MPPED1: variants seen among roughly 807,000 people sequenced by gnomAD.
MPPED1 encodes metallophosphoesterase domain containing 1.
MPPED1 carries 16 observed loss-of-function variants against 36.2 expected under a neutral mutation model. The observed-to-expected ratio is 0.44, with a 90% CI of 0.30 to 0.67. The LOEUF is 0.67. MPPED1 is among the 30% of genes least tolerant of loss of function. The pLI, the probability that MPPED1 is intolerant of heterozygous loss-of-function variation, is 0.10. For synonymous variants in MPPED1, 199 were observed against 191.3 expected, an observed-to-expected ratio of 1.04 and a Z score of -0.33; for missense variants, 307 against 453.4, an observed-to-expected ratio of 0.68 and a Z score of 2.93.
At chr22:43,504,251 G>T (rs1932772207) in intron 6 of MPPED1, among the ~76,000 whole-genome samples, 1 of 151,916 alleles carries the variant, frequency 6.6e-6, no homozygotes. Flanking sequence ...GGTGATTGTG[G>T]TGATGATGAT....
At chr22:43,427,831 C>G (rs140076115) in intron 2 of MPPED1, among the ~76,000 whole-genome samples, 3 of 152,096 alleles carry the variant, frequency 2.0e-5, no homozygotes, top group African/African-American at 7.2e-5. Context: ...ATGGCGCATG[C>G]GCTCTGCATA....
At chr22:43,432,589 G>GAGAA (rs1929759795) in intron 2 of MPPED1, among the ~76,000 whole-genome samples, 1 of 43,316 alleles carries the variant, frequency 2.3e-5, no homozygotes. Flanking sequence ...GAGAGGGAAA[G>GAGAA]AGGGAGGAGA....
rs59503737 is a variant in MPPED1, at chr22:43,507,791, A to ATTT, written c.*2190_*2192dup. ...TTGGCATAACTTGATTGTGGCTGTA[A>ATTT]TTTTTTTTTTTTTTTTTGTCAAGCA... On this transcript the variant is annotated 3_prime_UTR_variant, in exon 7 of 7. Transcript: ENST00000443721. 6 of 135,002 alleles carry ATTT rather than the reference A, an allele frequency of 4.4e-5. No individual in the cohort carries two copies. Among genetic ancestry groups the ATTT allele is most frequent in the South Asian group, 2.4e-4 (1 of 4,250 alleles). The allele number at this position is 135,002 out of a possible 1,614,324, so 8.4% of individuals were successfully genotyped here. A position where few individuals can be genotyped will look rare whatever the true frequency, so the allele number is the denominator to read the frequency against.
In MPPED1 at chr22:43,505,519, G is replaced by C; in HGVS notation, c.884G>C (p.Gly295Ala). Residue 295 changes from glycine (G) to alanine (A), a missense_variant, in exon 7 of 7, where the codon GGG becomes GCG. Transcript: ENST00000443721. ...IHEGYGVMAD[G>A]TTTYVNASVC... ...CCAGGGTATGGTGTCATGGCAGATGGGACGACCACCTATGTGAATGCGTCC... is the reference window on the plus strand; with the variant it reads ...CCAGGGTATGGTGTCATGGCAGATGCGACGACCACCTATGTGAATGCGTCC... The C allele has an allele frequency of 6.2e-7, 1 of 1,610,872 alleles. No individual in the cohort carries two copies. Among genetic ancestry groups the C allele is most frequent in the Non-Finnish European group, 8.5e-7 (1 of 1,178,722 alleles).
chr22:43,461,498 G>C (rs1192509402), intron 3 of MPPED1, among the ~76,000 whole-genome samples: 1 of 152,174 alleles, frequency 6.6e-6, no homozygotes, highest in Non-Finnish European at 1.5e-5. Flanking sequence ...TGCCAGTGTT[G>C]TTGTTGACTT....
chr22:43,495,297 A>T (rs1182676378), intron 4 of MPPED1, among the ~76,000 whole-genome samples: 19 of 96,858 alleles, frequency 2.0e-4, no homozygotes, highest in Middle Eastern at 0.01. Context: ...GTGGTGATGG[A>T]GGTGATGGTG....
rs150477183 is a variant in MPPED1, at chr22:43,436,029, G to C, written c.406+814G>C. ...CCAGATGTGAGCAGCTGCTGGTCTC[G>C]GCAGCAGAGCCCTTTCCCATGCACT... On this transcript the variant is annotated intron_variant, in intron 3 of 6. Transcript: ENST00000443721. Among the ~76,000 whole-genome samples the C allele has an allele frequency of 1.3e-3, 199 of 152,280 alleles. 2 individuals carry two copies. The highest frequency in any genetic ancestry group is 3.4e-4 in the Non-Finnish European group (23 of 68,022).
chr22:43,472,896 G>C (rs997048550), intron 3 of MPPED1, among the ~76,000 whole-genome samples: 2 of 152,210 alleles, frequency 1.3e-5, no homozygotes, highest in African/African-American at 4.8e-5. Flanking sequence ...AATAATGGCT[G>C]TAGTTATAGG....
rs199956715 is a variant in MPPED1 at position 43,505,541 on chromosome 22, G to T, written c.906G>T (p.Ala302=). The T allele has an allele frequency of 3.7e-6, 6 of 1,612,476 alleles. No individual in the cohort carries two copies. The South Asian group carries it at 6.6e-5, about 18-fold the overall frequency. The change falls in exon 7 of 7, where the codon GCG becomes GCT. Residue 302 remains alanine, a synonymous_variant. Coordinates refer to ENST00000443721, the MANE Select transcript of MPPED1 (RefSeq NM_001044370.2). ...ATGGGACGACCACCTATGTGAATGC[G>T]TCCGTATGCACTGTGAACTACCAGC... ...MADGTTTYVN[A]SVCTVNYQPV...
intron 2 of MPPED1, among the ~76,000 whole-genome samples, chr22:43,433,840 ATAAT>A (rs1283226062): frequency 6.6e-6 from 1 of 152,208 alleles, no homozygotes. Flanking sequence ...GGTTTGCCGC[ATAAT>A]TAGATTTAAA....
chr22:43,442,225 G>A (rs958896531), intron 3 of MPPED1, among the ~76,000 whole-genome samples: 1 of 151,924 alleles, frequency 6.6e-6, no homozygotes, highest in African/African-American at 2.4e-5. Context: ...CAGAGTTCAT[G>A]GCTGTCTGTC....
At position 43,474,794 on chromosome 22, in the gene MPPED1, C is replaced by T; in HGVS notation, c.465C>T (p.Asp155=). The change falls in exon 4 of 7, where the codon GAC becomes GAT. Residue 155 remains aspartate (D), a synonymous_variant. Coordinates refer to ENST00000443721, the MANE Select transcript of MPPED1 (RefSeq NM_001044370.2). The surrounding 1 kb of genome is among the most constrained non-coding windows in gnomAD (Gnocchi z 5.2). Reference sequence around the variant, plus strand: ...CAGGCAACCACGAGCTGACCTTTGACCAGGAGTTCATGGCCGACCTCATCA... The same window carrying T: ...CAGGCAACCACGAGCTGACCTTTGATCAGGAGTTCATGGCCGACCTCATCA... ...VIAGNHELTF[D]QEFMADLIKQ... 1.2e-6 allele frequency: 2 copies of T among 1,614,064 alleles called. No individual in the cohort carries two copies. The highest frequency in any genetic ancestry group is 1.7e-6 in the Non-Finnish European group (2 of 1,179,906).
chr22:43,434,384 C>G (rs1929876454), intron 2 of MPPED1, among the ~76,000 whole-genome samples: 1 of 152,202 alleles, frequency 6.6e-6, no homozygotes, highest in Admixed American at 6.5e-5. Flanking sequence ...CTCCCCCTCC[C>G]GTGCTGCTGT....
intron 2 of MPPED1, among the ~76,000 whole-genome samples, chr22:43,427,831 C>T (rs140076115): frequency 1.4e-3 from 215 of 152,214 alleles, no homozygotes; most frequent in Non-Finnish European, 2.1e-3. Context: ...ATGGCGCATG[C>T]GCTCTGCATA....
At chr22:43,460,475 C>A (rs766677887) in intron 3 of MPPED1, among the ~76,000 whole-genome samples, 1 of 151,828 alleles carries the variant, frequency 6.6e-6, no homozygotes, top group Non-Finnish European at 1.5e-5. Flanking sequence ...AGACCACAGG[C>A]GAGCACCAAC....
At chr22:43,465,885 T>G (rs1350746044) in intron 3 of MPPED1, among the ~76,000 whole-genome samples, 3 of 152,130 alleles carry the variant, frequency 2.0e-5, no homozygotes, top group Non-Finnish European at 4.4e-5. Flanking sequence ...CAGTAGCCCC[T>G]GGGGAAGCCG....
intron 1 of MPPED1, chr22:43,417,802 A>G (rs1240341696): frequency 3.4e-6 from 1 of 291,402 alleles, no homozygotes; most frequent in African/African-American, 2.2e-5. Flanking sequence ...AGGCAGCTGC[A>G]CTTTTGGCTG....
chr22:43,488,499 G>A (rs961369962), intron 4 of MPPED1, among the ~76,000 whole-genome samples: 6 of 152,180 alleles, frequency 3.9e-5, no homozygotes, highest in African/African-American at 1.2e-4. Context: ...GATTGGCCAC[G>A]AGGAGGTCAT....
At position 43,424,940 on chromosome 22, in the gene MPPED1, C is replaced by A. The variant is rs561983785; in HGVS notation, c.-46C>A. 6.5e-7 allele frequency: 1 copy of A among 1,544,502 alleles called. No individual in the cohort carries two copies. The highest frequency in any genetic ancestry group is 8.7e-7 in the Non-Finnish European group (1 of 1,146,792). ...CCAGGTCTGGCGGGGGGCCGGGCTG[C>A]GGTGGCGGCAGCGGTGGGAGATGCC... is the stretch of plus-strand genomic sequence containing the variant. On this transcript the variant is annotated 5_prime_UTR_variant, in exon 2 of 7. Coordinates refer to ENST00000443721, the MANE Select transcript of MPPED1 (RefSeq NM_001044370.2).
Sources: allele counts gnomAD v4.1 joint callset (sites outside exome capture counted in the v4.1 genomes callset), GRCh38; gene constraint gnomAD v4.1.1; non-coding constraint Gnocchi (gnomAD v3.1); transcripts MANE v1.5; gene names NCBI Gene and HGNC (gene_info 2026-07-23, HGNC 2026-07-21).